Variants in NCOA6 observed in about 807,000 individuals in gnomAD.
The protein encoded by NCOA6 is nuclear receptor coactivator 6, also known as NRC RAP250.
In NCOA6, 49 loss-of-function variants were observed where a neutral mutation model predicts 171.4. The ratio of observed to expected loss-of-function variants is 0.29; its 90% CI spans 0.23 to 0.36. The LOEUF (loss-of-function observed/expected upper bound fraction) is 0.36. NCOA6 is among the 10% of genes least tolerant of loss of function. The pLI is 1.00. For synonymous variants in NCOA6, 910 were observed against 927.5 expected, an observed-to-expected ratio of 0.98 and a Z score of 0.34; for missense variants, 2,248 against 2,554.5, an observed-to-expected ratio of 0.88 and a Z score of 2.59.
At position 34,757,475 on chromosome 20, in the gene NCOA6, T is replaced by C. The variant is rs778713308; in HGVS notation, c.1273A>G (p.Asn425Asp). The change falls in exon 7 of 15, where the codon AAC becomes GAC. Residue 425 changes from asparagine to aspartate, a missense_variant. Asn to Asp is a conservative substitution (Grantham distance 23, BLOSUM62 1). Coordinates refer to ENST00000359003, the MANE Select transcript of NCOA6 (RefSeq NM_014071.5). ...GAGGGTGAGGAGGCAGGAGACTTGT[T>C]GGTGAGGTGGGGCTGCTGCAAGGGA... The part of the protein sequence containing the change: ...PTPLQQPHLT[N>D]KSPASSPSSF... The C allele has an allele frequency of 6.2e-7, 1 of 1,613,646 alleles. No homozygotes were observed. The highest frequency in any genetic ancestry group is 8.5e-7 in the Non-Finnish European group (1 of 1,179,848).
chr20:34,809,599 C>G (rs1305400660), intron 1 of NCOA6: 2 of 395,834 alleles, frequency 5.1e-6, no homozygotes, highest in Middle Eastern at 6.3e-4. Flanking sequence ...CCTTATAAAC[C>G]TATTCAAAAT....
intron 1 of NCOA6, among the ~76,000 whole-genome samples, chr20:34,808,718 G>T (rs532773958): frequency 1.6e-4 from 24 of 152,254 alleles, no homozygotes; most frequent in Middle Eastern, 3.4e-3. Context: ...GATTACAGGC[G>T]TGAGCCACAG....
intron 4 of NCOA6, among the ~76,000 whole-genome samples, chr20:34,770,642 T>G (rs1001243196): frequency 3.9e-5 from 6 of 152,086 alleles, no homozygotes; most frequent in African/African-American, 1.4e-4. Flanking sequence ...CTTCTTTTTT[T>G]TTTTTTGAAT....
rs773848889 is a variant in NCOA6 at position 34,740,914 on chromosome 20, T to C, written c.5342A>G (p.Gln1781Arg). The stretch of plus-strand genomic sequence containing the variant: ...TGACTGTGAAGAGGGAAGAGTGTTC[T>C]GATCTGCTGAGGTGTTCACCTGAGG... ...ASPQVNTSAD[Q>R]NTLPSSQSTT... is the part of the protein sequence containing the mutation. Residue 1781 changes from glutamine (Q) to arginine (R), a missense_variant, in exon 11 of 15, where the codon CAG becomes CGG. Gln to Arg is a conservative substitution (Grantham distance 43). Around this residue, in one of 7 missense-constraint regions of NCOA6, gnomAD observed 884 missense variants for 941.9 expected, o/e 0.94. Coordinates refer to ENST00000359003, the MANE Select transcript of NCOA6 (RefSeq NM_014071.5). The C allele has an allele frequency of 6.2e-6, 10 of 1,614,206 alleles. No homozygotes were observed. Among genetic ancestry groups the C allele is most frequent in the South Asian group, 2.2e-5 (2 of 91,082 alleles).
intron 9 of NCOA6, 68 bp downstream of exon 9, chr20:34,749,335 T>G (rs2076398664): frequency 1.3e-6 from 2 of 1,494,944 alleles, no homozygotes; most frequent in Non-Finnish European, 1.8e-6. Context: ...TGTAAAATTT[T>G]CCATCAAAAA....
At chr20:34,755,391 G>A (rs1195985637) in intron 7 of NCOA6, among the ~76,000 whole-genome samples, 6 of 152,124 alleles carry the variant, frequency 3.9e-5, no homozygotes, top group Non-Finnish European at 7.3e-5. Context: ...CCATTATTGC[G>A]CTTGTCTCTT....
At position 34,749,981 on chromosome 20, in the gene NCOA6, C is replaced by T. The variant is rs371391232; in HGVS notation, c.2214G>A (p.Pro738=). Residue 738 remains proline (P), a synonymous_variant, in exon 9 of 15, where the codon CCG becomes CCA. Coordinates refer to ENST00000359003, the MANE Select transcript of NCOA6 (RefSeq NM_014071.5). The part of the protein sequence containing the change: ...FNTQNQSNVM[P]GPAQIMRGPT... ...GTCCCCTCATTATCTGGGCTGGTCCCGGCATGACATTGGACTGGTTCTGAG... is the reference window on the plus strand; with the variant it reads ...GTCCCCTCATTATCTGGGCTGGTCCTGGCATGACATTGGACTGGTTCTGAG... 34 of 1,614,206 alleles carry T rather than the reference C, an allele frequency of 2.1e-5. No individual in the cohort carries two copies. Among genetic ancestry groups the T allele is most frequent in the South Asian group, 9.9e-5 (9 of 91,090 alleles).
chr20:34,763,259 A>G (rs961534160), intron 5 of NCOA6, among the ~76,000 whole-genome samples: 2 of 152,064 alleles, frequency 1.3e-5, no homozygotes, highest in Admixed American at 1.3e-4. Context: ...AAACCTTCTC[A>G]TTTTATTCTT....
At position 34,785,722 on chromosome 20, in the gene NCOA6, G is replaced by T. The variant is rs937232849; in HGVS notation, c.-49-3318C>A. On this transcript the variant is annotated intron_variant, in intron 2 of 14. Coordinates refer to ENST00000359003, the MANE Select transcript of NCOA6 (RefSeq NM_014071.5). ...CATTTTCCAAAAGAATCTTTAACCA[G>T]AAAGGAGACTAACTAAAAAGCCTGG... 2.0e-5 allele frequency among the ~76,000 whole-genome samples: 3 copies of T among 152,008 alleles called. No individual in the cohort carries two copies. In the East Asian group the frequency reaches 5.8e-4, roughly 29 times the overall value.
chr20:34,719,395 C>G (rs1989016884), intron 14 of NCOA6, among the ~76,000 whole-genome samples: 1 of 152,102 alleles, frequency 6.6e-6, no homozygotes, highest in Non-Finnish European at 1.5e-5. Flanking sequence ...CTTTGATTAG[C>G]AGAGGTCGGC....
rs1180092420 is a variant in NCOA6 at position 34,748,967 on chromosome 20, A to AC, written c.2792+435dup. 8.6e-5 allele frequency among the ~76,000 whole-genome samples: 13 copies of AC among 151,932 alleles called. 2 individuals are homozygous for AC. The South Asian group carries it at 2.3e-3, about 27-fold the overall frequency. On this transcript the variant is annotated intron_variant, in intron 9 of 14. Coordinates refer to ENST00000359003, the MANE Select transcript of NCOA6 (RefSeq NM_014071.5). Reference sequence around the variant, plus strand: ...TACTTTTCAGGCTCTGATTGCCAAAACCCCCCGACACTGTAAAATTAAGAG... The same window carrying AC: ...TACTTTTCAGGCTCTGATTGCCAAAACCCCCCCGACACTGTAAAATTAAGAG...
intron 5 of NCOA6, among the ~76,000 whole-genome samples, chr20:34,759,838 C>G (rs2076763760): frequency 6.6e-6 from 1 of 152,142 alleles, no homozygotes; most frequent in African/African-American, 2.4e-5. Flanking sequence ...GTCTAAGCAT[C>G]TTTAATTTTA....
At chr20:34,824,876 T>G (rs906183138) in intron 1 of NCOA6, among the ~76,000 whole-genome samples, 2 of 151,808 alleles carry the variant, frequency 1.3e-5, no homozygotes, top group Non-Finnish European at 2.9e-5. Flanking sequence ...GGGCCCTCAT[T>G]CCTCATCAAT....
chr20:34,762,668 T>C (rs1361250181), intron 5 of NCOA6, among the ~76,000 whole-genome samples: 5 of 152,290 alleles, frequency 3.3e-5, no homozygotes, highest in Middle Eastern at 3.4e-3. Flanking sequence ...TCATCATTAT[T>C]ACTAAATAAG....
At chr20:34,724,400 C>G (rs1304528930) in intron 14 of NCOA6, among the ~76,000 whole-genome samples, 1 of 152,202 alleles carries the variant, frequency 6.6e-6, no homozygotes, top group Non-Finnish European at 1.5e-5. Flanking sequence ...CCAACAGCAG[C>G]TGAGTCCTCA....
chr20:34,736,991 T>C (rs1452884985), intron 11 of NCOA6, among the ~76,000 whole-genome samples: 1 of 152,176 alleles, frequency 6.6e-6, no homozygotes, highest in Non-Finnish European at 1.5e-5. Flanking sequence ...CCTTTTTGTA[T>C]GTATAATAAT....
At chr20:34,790,572 G>C (rs573887573) in intron 2 of NCOA6, among the ~76,000 whole-genome samples, 1 of 152,140 alleles carries the variant, frequency 6.6e-6, no homozygotes, top group African/African-American at 2.4e-5. Context: ...AGCCAGGATG[G>C]TCTCGATCTC....
At chr20:34,730,857 G>A (rs1264693370) in intron 13 of NCOA6, among the ~76,000 whole-genome samples, 1 of 151,758 alleles carries the variant, frequency 6.6e-6, no homozygotes, top group African/African-American at 2.4e-5. Context: ...TGGGACTACA[G>A]GCACATACCA....
At chr20:34,776,224 A>C in intron 4 of NCOA6, 69 bp downstream of exon 4, 1 of 1,539,696 alleles carries the variant, frequency 6.5e-7, no homozygotes, top group East Asian at 2.3e-5. Flanking sequence ...AAAGCAGCAC[A>C]GAAAATCATG....
Sources: allele counts gnomAD v4.1 joint callset (sites outside exome capture counted in the v4.1 genomes callset), GRCh38; gene constraint gnomAD v4.1.1; regional missense constraint gnomAD v4.1.1; transcripts MANE v1.5; gene names NCBI Gene and HGNC (gene_info 2026-07-23, HGNC 2026-07-21).